The following LDB2 variants were observed in gnomAD, a reference collection of about 807,000 sequenced individuals.
The protein encoded by LDB2 is LIM domain binding 2, also known as LIM domain-binding protein 2.
A neutral mutation model predicts 44.3 loss-of-function variants in LDB2; 12 were observed. That is an observed-to-expected ratio of 0.27 (90% CI 0.17 to 0.44). The LOEUF (loss-of-function observed/expected upper bound fraction) is 0.44, where lower values mean the gene tolerates loss of function less well. Among genes scored for constraint, LDB2 ranks in the 20% least tolerant of loss-of-function variants. The probability of loss-of-function intolerance (pLI) is 1.00; values close to 1 mark genes in which losing one functional copy is unlikely to be tolerated. For missense variants in LDB2, 344 were observed against 473.5 expected (o/e 0.73, Z 2.54); for synonymous variants, 164 against 174.8 (o/e 0.94, Z 0.49).
At chr4:16,867,235 G>A (rs1715024229) in intron 1 of LDB2, among the ~76,000 whole-genome samples, 1 of 152,144 alleles carries the variant, frequency 6.6e-6, no homozygotes, top group South Asian at 2.1e-4. Context: ...AAGAAGAGAT[G>A]AGCTAACCTG....
intron 1 of LDB2, among the ~76,000 whole-genome samples, chr4:16,878,124 G>A (rs1355477610): frequency 1.3e-5 from 2 of 152,190 alleles, no homozygotes; most frequent in African/African-American, 4.8e-5. Flanking sequence ...TAGGGGAAGG[G>A]GCTTGGGAAG....
chr4:16,895,400 A>G (rs1724680832), intron 1 of LDB2, among the ~76,000 whole-genome samples: 1 of 152,188 alleles, frequency 6.6e-6, no homozygotes, highest in African/African-American at 2.4e-5. Context: ...TTCTTTCCAT[A>G]TAAAAAAGGA....
chr4:16,508,536 G>T lies in LDB2; in HGVS notation c.890C>A (p.Pro297His). Reference protein sequence around the residue: ...AANLSLSSQVPDVMVVGEPTL... With the variant: ...AANLSLSSQVHDVMVVGEPTL... ...GCCTAAGAGGAAAGCGAGACTTACA[G>T]GTACCTGACTGGACAGACTCAGGTT... The change falls in exon 7 of 8, where the codon CCT becomes CAT. Residue 297 changes from proline (P) to histidine (H), a missense_variant and splice_region_variant. Physicochemically the swap from Pro to His is moderately conservative, Grantham distance 77. Around this residue, in one of 3 missense-constraint regions of LDB2, gnomAD observed 86 missense variants for 171.2 expected, o/e 0.50. Transcript: ENST00000304523. 5 of 1,568,756 alleles carry T rather than the reference G, an allele frequency of 3.2e-6. No individual in the cohort carries two copies. Among genetic ancestry groups the T allele is most frequent in the Non-Finnish European group, 2.6e-6 (3 of 1,154,366 alleles).
intron 5 of LDB2, among the ~76,000 whole-genome samples, chr4:16,515,329 A>T (rs1284882060): frequency 6.6e-6 from 1 of 152,236 alleles, no homozygotes; most frequent in Non-Finnish European, 1.5e-5. Flanking sequence ...TACTATGTTC[A>T]CTATTTGAGT....
intron 2 of LDB2, among the ~76,000 whole-genome samples, chr4:16,686,211 C>A (rs1026803777): frequency 7.9e-5 from 12 of 152,168 alleles, no homozygotes; most frequent in African/African-American, 2.4e-4. Context: ...AAGCAATAGC[C>A]CAAATTCTCC....
intron 2 of LDB2, among the ~76,000 whole-genome samples, chr4:16,682,248 A>C (rs1185313526): frequency 6.6e-6 from 1 of 151,300 alleles, no homozygotes; most frequent in East Asian, 2.1e-4. Flanking sequence ...TAACTAGTTA[A>C]AATTTAAAAA....
chr4:16,813,069 C>T (rs560562901), intron 1 of LDB2, among the ~76,000 whole-genome samples: 1 of 152,138 alleles, frequency 6.6e-6, no homozygotes, highest in East Asian at 1.9e-4. Context: ...ACGATCTCAG[C>T]TCACTGCAAC....
At chr4:16,887,439 A>G (rs1722080217) in intron 1 of LDB2, among the ~76,000 whole-genome samples, 1 of 152,204 alleles carries the variant, frequency 6.6e-6, no homozygotes, top group Admixed American at 6.5e-5. Context: ...TTCAAAGGGC[A>G]GGTAATATGC....
At chr4:16,771,128 T>G (rs1316735727) in intron 1 of LDB2, among the ~76,000 whole-genome samples, 1 of 152,118 alleles carries the variant, frequency 6.6e-6, no homozygotes, top group African/African-American at 2.4e-5. Context: ...GTTGATCAAA[T>G]GACAAGAATA....
At chr4:16,773,320 A>G (rs1771122665) in intron 1 of LDB2, among the ~76,000 whole-genome samples, 1 of 152,190 alleles carries the variant, frequency 6.6e-6, no homozygotes, top group South Asian at 2.1e-4. Context: ...TTCACTGTGC[A>G]CTTTATTTCT....
intron 2 of LDB2, among the ~76,000 whole-genome samples, chr4:16,674,762 T>A (rs990291434): frequency 3.4e-4 from 51 of 150,576 alleles, no homozygotes; most frequent in Non-Finnish European, 5.2e-4. Flanking sequence ...AGAGAAAAAA[T>A]TAAAGAAAGA....
intron 1 of LDB2, among the ~76,000 whole-genome samples, chr4:16,821,770 A>AAAAAAAAAC (rs71181190): frequency 7.4e-6 from 1 of 136,042 alleles, no homozygotes; most frequent in Non-Finnish European, 1.6e-5. Context: ...AAAAAAAAAA[A>AAAAAAAAAC]TCAGGAATTT....
At chr4:16,778,934 G>T (rs1245750682) in intron 1 of LDB2, among the ~76,000 whole-genome samples, 5 of 152,192 alleles carry the variant, frequency 3.3e-5, no homozygotes, top group African/African-American at 1.2e-4. Context: ...TCTAATATTA[G>T]ACCAAGAACA....
chr4:16,838,186 GA>G (rs1432731920), intron 1 of LDB2, among the ~76,000 whole-genome samples: 1 of 152,154 alleles, frequency 6.6e-6, no homozygotes, highest in Non-Finnish European at 1.5e-5. Flanking sequence ...TTCTGACATG[GA>G]AATATATGAG....
chr4:16,836,900 A>C (rs1275908363), intron 1 of LDB2, among the ~76,000 whole-genome samples: 1 of 152,210 alleles, frequency 6.6e-6, no homozygotes, highest in Non-Finnish European at 1.5e-5. Context: ...CTTTGTAGGA[A>C]GGTCTAATTA....
At chr4:16,812,852 G>A (rs145241858) in intron 1 of LDB2, among the ~76,000 whole-genome samples, 52 of 151,944 alleles carry the variant, frequency 3.4e-4, no homozygotes, top group South Asian at 1.0e-3. Context: ...TCCAAGAAAC[G>A]CTAAATATTA....
intron 1 of LDB2, among the ~76,000 whole-genome samples, chr4:16,852,310 A>G (rs1227001476): frequency 6.6e-6 from 1 of 152,176 alleles, no homozygotes; most frequent in East Asian, 1.9e-4. Context: ...GGAGGAAGGA[A>G]ATGTTCCTTC....
At chr4:16,693,347 CTTTTTTTTTTTT>C (rs71181181) in intron 2 of LDB2, among the ~76,000 whole-genome samples, 14 of 112,122 alleles carry the variant, frequency 1.2e-4, no homozygotes, top group African/African-American at 4.2e-4. Flanking sequence ...AGCAATAGTT[CTTTTTTTTTTTT>C]TTTTTTTTTT....
At chr4:16,693,692 G>A (rs1433342749) in intron 2 of LDB2, among the ~76,000 whole-genome samples, 1 of 152,214 alleles carries the variant, frequency 6.6e-6, no homozygotes, top group East Asian at 1.9e-4. Context: ...AGAGGTTAAA[G>A]AGGGACACAG....
Sources: gnomAD v4.1 joint callset for allele counts (sites outside exome capture counted in the v4.1 genomes callset) on GRCh38, gnomAD v4.1.1 for gene constraint, gnomAD v4.1.1 regional missense constraint, MANE v1.5 for transcripts, NCBI Gene and HGNC (gene_info 2026-07-23, HGNC 2026-07-21) for gene names.